Variants in TEK observed in about 807,000 individuals in gnomAD.
TEK encodes angiopoietin-1 receptor.
A neutral mutation model predicts 131.8 loss-of-function variants in TEK; 43 were observed. That is an observed-to-expected ratio of 0.33 (90% CI 0.26 to 0.42). The LOEUF (loss-of-function observed/expected upper bound fraction) is 0.42. Among genes scored for constraint, TEK ranks in the 10% least tolerant of loss-of-function variants. The probability of loss-of-function intolerance (pLI) is 1.00; values close to 1 mark genes in which losing one functional copy is unlikely to be tolerated. For synonymous variants in TEK, 580 were observed against 491.6 expected (o/e 1.18, Z -2.38); for missense variants, 1,162 against 1,384.4 (o/e 0.84, Z 2.55).
chr9:27,151,476 T>G (rs894657031), intron 1 of TEK, among the ~76,000 whole-genome samples: 1 of 152,152 alleles, frequency 6.6e-6, no homozygotes, highest in Non-Finnish European at 1.5e-5. Flanking sequence ...AGTTACCATT[T>G]TGGGGAAGAT....
chr9:27,214,146 C>T (rs1400251623), intron 18 of TEK, among the ~76,000 whole-genome samples: 1 of 152,164 alleles, frequency 6.6e-6, no homozygotes, highest in Non-Finnish European at 1.5e-5. Flanking sequence ...TCTTTAAGTA[C>T]AAGATTGCAG....
chr9:27,173,655 G>T (rs1206524496), intron 6 of TEK, among the ~76,000 whole-genome samples: 1 of 151,780 alleles, frequency 6.6e-6, no homozygotes, highest in African/African-American at 2.4e-5. Context: ...TTTCTAACAG[G>T]CTCCCAAGTA....
chr9:27,147,951 G>A (rs1397024636), intron 1 of TEK, among the ~76,000 whole-genome samples: 1 of 152,180 alleles, frequency 6.6e-6, no homozygotes. Context: ...CAAATTAGCT[G>A]TGTAACAATC....
chr9:27,174,714 A>G (rs969502083), intron 6 of TEK, among the ~76,000 whole-genome samples: 1 of 152,138 alleles, frequency 6.6e-6, no homozygotes, highest in African/African-American at 2.4e-5. Context: ...TCTAAATGCT[A>G]TGTCTGCCCC....
intron 21 of TEK, among the ~76,000 whole-genome samples, chr9:27,221,888 G>A (rs1826098854): frequency 6.6e-6 from 1 of 152,170 alleles, no homozygotes; most frequent in Non-Finnish European, 1.5e-5. Context: ...GGACGAATGA[G>A]TTTGACAAAC....
At chr9:27,125,016 C>G (rs536159339) in intron 1 of TEK, among the ~76,000 whole-genome samples, 1 of 152,142 alleles carries the variant, frequency 6.6e-6, no homozygotes, top group South Asian at 2.1e-4. Flanking sequence ...TTTTTCCTCT[C>G]TCATAACTGC....
At chr9:27,169,327 GTTCAGCATTTTCA>G in intron 3 of TEK, 137 bp from the exon 4 acceptor site, 2 of 1,038,346 alleles carry the variant, frequency 1.9e-6, no homozygotes, top group Non-Finnish European at 3.0e-6. Context: ...GTACTGAATA[GTTCAGCATTTTCA>G]TTCTTCTCCC....
intron 1 of TEK, among the ~76,000 whole-genome samples, chr9:27,121,860 A>G (rs113364784): frequency 2.2e-4 from 34 of 152,352 alleles, no homozygotes; most frequent in African/African-American, 7.5e-4. Context: ...GTGCATGTGT[A>G]TCCAAAGAAA....
intron 3 of TEK, among the ~76,000 whole-genome samples, chr9:27,168,976 C>A (rs997799842): frequency 6.6e-6 from 1 of 152,198 alleles, no homozygotes; most frequent in South Asian, 2.1e-4. Context: ...GCAGTTCTGG[C>A]AGTCCAACTG....
intron 10 of TEK, chr9:27,191,902 T>G (rs1193233299): frequency 2.2e-6 from 1 of 453,700 alleles, no homozygotes; most frequent in Non-Finnish European, 4.4e-6. Flanking sequence ...ATTTATCATA[T>G]GATAAGGCAG....
intron 7 of TEK, among the ~76,000 whole-genome samples, chr9:27,183,191 G>A (rs527930512): frequency 1.3e-5 from 2 of 152,296 alleles, no homozygotes; most frequent in South Asian, 2.1e-4. Context: ...GTCCATGAAA[G>A]GAGCACAGCC....
chr9:27,152,245 C>T (rs1823153278), intron 1 of TEK, among the ~76,000 whole-genome samples: 1 of 152,166 alleles, frequency 6.6e-6, no homozygotes, highest in African/African-American at 2.4e-5. Flanking sequence ...CAGAATTCCA[C>T]CCAATACTAC....
At chr9:27,195,762 T>C (rs1177171858) in intron 11 of TEK, 1 of 449,386 alleles carries the variant, frequency 2.2e-6, no homozygotes, top group Non-Finnish European at 4.4e-6. Flanking sequence ...TCACATCCAT[T>C]TTCTCACTTA....
rs1274456041 is a variant in TEK, at chr9:27,205,062, C to T, written c.2361C>T (p.Asn787=). ...VQRRMAQAFQ[N]VREEPAVQFN... is the part of the protein sequence containing the mutation. ...GGAGAATGGCCCAAGCCTTCCAAAA[C>T]GTGGTAGTGTCTCATCTTCCTACTA... The change falls in exon 14 of 23, where the codon AAC becomes AAT. Residue 787 remains asparagine, a synonymous_variant. Coordinates refer to ENST00000380036, the MANE Select transcript of TEK (RefSeq NM_000459.5). 29 of 1,613,772 alleles carry T rather than the reference C, an allele frequency of 1.8e-5. No homozygotes were observed. Among genetic ancestry groups the T allele is most frequent in the Non-Finnish European group, 2.2e-5 (26 of 1,179,874 alleles).
intron 1 of TEK, among the ~76,000 whole-genome samples, chr9:27,119,791 C>A (rs1031896069): frequency 6.6e-5 from 10 of 152,146 alleles, no homozygotes; most frequent in African/African-American, 2.4e-4. Context: ...CCTATTGATT[C>A]CTATTTCTTG....
Position 27,183,658 on chromosome 9 carries a change from G to A in TEK, c.1182+48G>A. On this transcript the variant is annotated intron_variant, in intron 8 of 22. Transcript: ENST00000380036. Reference sequence around the variant, plus strand: ...CCTTCTTAAAGCATGAGATGCTTCAGTGTAGTAATCACCCCACTAAATGAT... The same window carrying A: ...CCTTCTTAAAGCATGAGATGCTTCAATGTAGTAATCACCCCACTAAATGAT... The A allele has an allele frequency of 2.5e-6, 4 of 1,603,998 alleles. No homozygotes were observed. In the South Asian group the frequency reaches 3.3e-5, roughly 13 times the overall value.
intron 1 of TEK, among the ~76,000 whole-genome samples, chr9:27,116,400 C>T (rs607925): frequency 0.38 from 58,267 of 151,826 alleles, 11,688 homozygotes; most frequent in East Asian, 0.69. Context: ...GTGATTCTCC[C>T]ACCTCAGCCT....
intron 10 of TEK, among the ~76,000 whole-genome samples, chr9:27,191,655 C>T (rs922733725): frequency 2.0e-5 from 3 of 151,774 alleles, no homozygotes; most frequent in Non-Finnish European, 2.9e-5. Context: ...CTGGGTAGAC[C>T]GAATAAAATG....
chr9:27,134,729 C>T (rs1276843101), intron 1 of TEK, among the ~76,000 whole-genome samples: 2 of 152,096 alleles, frequency 1.3e-5, no homozygotes, highest in Non-Finnish European at 1.5e-5. Flanking sequence ...ATTAAATAAT[C>T]CATAAACTAA....
Sources: allele counts gnomAD v4.1 joint callset (sites outside exome capture counted in the v4.1 genomes callset), GRCh38; gene constraint gnomAD v4.1.1; transcripts MANE v1.5; gene names NCBI Gene and HGNC (gene_info 2026-07-23, HGNC 2026-07-21).